ARHGAP10: variants seen among roughly 807,000 people sequenced by gnomAD.
ARHGAP10 encodes the protein Rho GTPase activating protein 10, also known as rho GTPase-activating protein 10.
In ARHGAP10, 87 loss-of-function variants were observed where a neutral mutation model predicts 108.6. The observed-to-expected ratio is 0.80, with a 90% CI of 0.67 to 0.96. The LOEUF is 0.96. ARHGAP10 is among the 40% of genes least tolerant of loss of function. The probability of loss-of-function intolerance (pLI) is 0.00; values close to 1 mark genes in which losing one functional copy is unlikely to be tolerated. For synonymous variants in ARHGAP10, 347 were observed against 341.1 expected, an observed-to-expected ratio of 1.02 and a Z score of -0.19; for missense variants, 939 against 954.5, an observed-to-expected ratio of 0.98 and a Z score of 0.21.
intron 1 of ARHGAP10, among the ~76,000 whole-genome samples, chr4:147,787,540 G>C (rs968119058): frequency 6.6e-6 from 1 of 152,170 alleles, no homozygotes; most frequent in Non-Finnish European, 1.5e-5. Context: ...CTCTGGGCAG[G>C]AGAGGTGGTT....
chr4:147,922,038 C>CCTCCGACAT (rs1737252503), intron 13 of ARHGAP10, among the ~76,000 whole-genome samples: 1 of 152,036 alleles, frequency 6.6e-6, no homozygotes, highest in South Asian at 2.1e-4. Flanking sequence ...ACCTCCTGCA[C>CCTCCGACAT]CTCCGACATC....
chr4:147,999,316 A>G (rs776139963), intron 18 of ARHGAP10, among the ~76,000 whole-genome samples: 1 of 152,236 alleles, frequency 6.6e-6, no homozygotes, highest in Non-Finnish European at 1.5e-5. Context: ...TGAGCCATCA[A>G]TGGCTACCCT....
chr4:148,032,910 C>T (rs1728217521), intron 19 of ARHGAP10, among the ~76,000 whole-genome samples: 2 of 152,148 alleles, frequency 1.3e-5, no homozygotes, highest in Non-Finnish European at 2.9e-5. Flanking sequence ...CAAGTCAAGT[C>T]CTCCACCTTC....
intron 5 of ARHGAP10, chr4:147,858,492 C>G (rs1367122637): frequency 6.6e-6 from 1 of 152,156 alleles, no homozygotes; most frequent in Admixed American, 6.5e-5. Flanking sequence ...TAGTTACATA[C>G]TCTGTGTGTG....
chr4:148,062,461 C>T (rs1312237567), intron 20 of ARHGAP10, among the ~76,000 whole-genome samples: 1 of 152,188 alleles, frequency 6.6e-6, no homozygotes, highest in Non-Finnish European at 1.5e-5. Flanking sequence ...AAACCATAGT[C>T]GCCTCCAGTT....
At chr4:147,915,783 A>C (rs1736956526) in intron 13 of ARHGAP10, among the ~76,000 whole-genome samples, 1 of 152,206 alleles carries the variant, frequency 6.6e-6, no homozygotes, top group Non-Finnish European at 1.5e-5. Context: ...TAAGAGTTTA[A>C]AAGAATCAAC....
intron 4 of ARHGAP10, among the ~76,000 whole-genome samples, chr4:147,853,749 T>A (rs1733972207): frequency 6.6e-6 from 1 of 152,070 alleles, no homozygotes; most frequent in Admixed American, 6.6e-5. Context: ...GATTTTTTTT[T>A]TATATTGGCA....
chr4:148,050,709 C>A (rs1729100525), intron 20 of ARHGAP10, among the ~76,000 whole-genome samples: 1 of 152,178 alleles, frequency 6.6e-6, no homozygotes, highest in Admixed American at 6.5e-5. Flanking sequence ...ACAAACTCTT[C>A]CTCTAGGAAT....
intron 13 of ARHGAP10, among the ~76,000 whole-genome samples, chr4:147,914,035 G>A (rs1189735096): frequency 2.6e-5 from 4 of 152,026 alleles, no homozygotes; most frequent in East Asian, 1.9e-4. Context: ...ATCTATAATC[G>A]CGGCTACTCG....
rs936173585 is a variant in ARHGAP10 at position 147,766,749 on chromosome 4, A to G, written c.154+34294A>G. On this transcript the variant is annotated intron_variant, in intron 1 of 22. Coordinates refer to ENST00000336498, the MANE Select transcript of ARHGAP10 (RefSeq NM_024605.4). ...ATAAATATATATTATATACGTAACTATATTCATGCATATATATTTTGAGCT... is the reference window on the plus strand; with the variant it reads ...ATAAATATATATTATATACGTAACTGTATTCATGCATATATATTTTGAGCT... Among the ~76,000 whole-genome samples the G allele has an allele frequency of 3.7e-4, 53 of 144,850 alleles. No individual in the cohort carries two copies. In the South Asian group the frequency reaches 0.01, roughly 28 times the overall value.
At chr4:147,893,470 ATTC>A (rs1340301069) in intron 10 of ARHGAP10, among the ~76,000 whole-genome samples, 1 of 147,658 alleles carries the variant, frequency 6.8e-6, no homozygotes, top group African/African-American at 2.5e-5. Context: ...ATATAATACT[ATTC>A]TATATATATA....
chr4:147,823,070 T>A (rs904347966), intron 3 of ARHGAP10, 113 bp downstream of exon 3: 34 of 1,068,186 alleles, frequency 3.2e-5, no homozygotes, highest in East Asian at 2.0e-4. Context: ...GGTACAGTAG[T>A]GCATTGTAAT....
At chr4:147,802,252 T>G (rs1219082735) in intron 1 of ARHGAP10, among the ~76,000 whole-genome samples, 1 of 152,224 alleles carries the variant, frequency 6.6e-6, no homozygotes, top group Non-Finnish European at 1.5e-5. Flanking sequence ...TACTGGGTTT[T>G]GGAGAACTTT....
intron 12 of ARHGAP10, among the ~76,000 whole-genome samples, chr4:147,912,111 C>A (rs1228391681): frequency 6.6e-6 from 1 of 151,196 alleles, no homozygotes; most frequent in African/African-American, 2.4e-5. Flanking sequence ...TAGATAGCTT[C>A]CCTTAGAGAT....
At chr4:148,066,829 A>T (rs996191858) in intron 22 of ARHGAP10, among the ~76,000 whole-genome samples, 8 of 152,264 alleles carry the variant, frequency 5.3e-5, no homozygotes, top group African/African-American at 1.9e-4. Flanking sequence ...CATTGGGGCT[A>T]CTAGAAAAAG....
chr4:147,937,042 A>G (rs1737979248), intron 13 of ARHGAP10, among the ~76,000 whole-genome samples: 1 of 152,148 alleles, frequency 6.6e-6, no homozygotes, highest in African/African-American at 2.4e-5. Flanking sequence ...AATAAATGTA[A>G]TGCTCTTGAA....
chr4:148,046,098 A>G (rs1332860155), intron 19 of ARHGAP10, among the ~76,000 whole-genome samples: 1 of 152,248 alleles, frequency 6.6e-6, no homozygotes, highest in African/African-American at 2.4e-5. Flanking sequence ...ATTTTATGGT[A>G]GCTGGGAGGA....
rs536242544 is a variant in ARHGAP10 at position 147,962,066 on chromosome 4, C to T, written c.1451-2958C>T. ...CATTTCTAGCCTTGATCTCTAAAGC[C>T]TCCTACTGTTTCCAGCTACTGCTAA... is the stretch of plus-strand genomic sequence containing the variant. On this transcript the variant is annotated intron_variant, in intron 16 of 22. Coordinates refer to ENST00000336498, the MANE Select transcript of ARHGAP10 (RefSeq NM_024605.4). Among the ~76,000 whole-genome samples the T allele has an allele frequency of 5.3e-5, 8 of 152,326 alleles. No individual in the cohort carries two copies. The South Asian group carries it at 1.0e-3, about 20-fold the overall frequency.
At chr4:148,067,962 G>T (rs1729971129) in intron 22 of ARHGAP10, among the ~76,000 whole-genome samples, 4 of 152,128 alleles carry the variant, frequency 2.6e-5, no homozygotes, top group Admixed American at 2.6e-4. Context: ...CTGTTTCTCT[G>T]GGGCTATGCC....
Sources: gnomAD v4.1 joint callset for allele counts (sites outside exome capture counted in the v4.1 genomes callset) on GRCh38, gnomAD v4.1.1 for gene constraint, MANE v1.5 for transcripts, NCBI Gene and HGNC (gene_info 2026-07-23, HGNC 2026-07-21) for gene names.